Variants in EGF observed in about 807,000 individuals in gnomAD.
EGF encodes pro-epidermal growth factor.
In EGF, 95 loss-of-function variants were observed where a neutral mutation model predicts 143.8. That is an observed-to-expected ratio of 0.66 (90% CI 0.56 to 0.78). The LOEUF is 0.78. Among genes scored for constraint, EGF ranks in the 30% least tolerant of loss-of-function variants. EGF has a pLI of 0.00. For missense variants in EGF, 1,320 were observed against 1,470.9 expected (o/e 0.90, Z 1.68); for synonymous variants, 510 against 510.5 (o/e 1.00, Z 0.01).
At chr4:109,914,330 G>A (rs1398630314) in intron 1 of EGF, among the ~76,000 whole-genome samples, 8 of 152,142 alleles carry the variant, frequency 5.3e-5, no homozygotes, top group African/African-American at 1.2e-4. Flanking sequence ...TTGAGATGGC[G>A]TCTGGCTTTT....
chr4:109,959,513 C>T, intron 6 of EGF, 76 bp downstream of exon 6: 3 of 1,608,898 alleles, frequency 1.9e-6, no homozygotes, highest in Non-Finnish European at 2.5e-6. Context: ...GAGCCAGCGG[C>T]TTGTCTTCAG....
intron 20 of EGF, among the ~76,000 whole-genome samples, chr4:109,997,227 G>A (rs369689622): frequency 6.6e-6 from 1 of 152,118 alleles, no homozygotes; most frequent in East Asian, 1.9e-4. Flanking sequence ...AATTGATCCG[G>A]GTGGTGTCAG....
chr4:110,004,972 A>T (rs899349818), intron 22 of EGF, among the ~76,000 whole-genome samples: 1 of 151,510 alleles, frequency 6.6e-6, no homozygotes, highest in Non-Finnish European at 1.5e-5. Flanking sequence ...ATGTCTTAAA[A>T]ACCCAAGATT....
Position 109,913,365 on chromosome 4 carries a change from A to C in EGF, c.30A>C (p.Pro10=), listed in dbSNP as rs1205693221. The C allele has an allele frequency of 6.2e-7, 1 of 1,613,972 alleles. No homozygotes were observed. ...TGCTCACTCTTATCATTCTGTTGCC[A>C]GTAGTTTCAAAATTTAGTTTTGTTA... MLLTLIILL[P]VVSKFSFVSL... is the part of the protein sequence containing the mutation. Residue 10 remains proline, a synonymous_variant, in exon 1 of 24, where the codon CCA becomes CCC. Transcript: ENST00000265171.
In EGF at chr4:109,945,132, T is replaced by G; in HGVS notation, c.797T>G (p.Met266Arg). 6.2e-7 allele frequency: 1 copy of G among 1,614,128 alleles called. No homozygotes were observed. Among genetic ancestry groups the G allele is most frequent in the Non-Finnish European group, 8.5e-7 (1 of 1,180,024 alleles). The part of the protein sequence containing the change: ...GDRIFYSTWK[M>R]KTIWIANKHT... ...CGTATCTTCTATTCAACATGGAAAA[T>G]GAAGACAATTTGGATAGCCAACAAA... The change falls in exon 5 of 24, where the codon ATG (methionine) becomes AGG (arginine). Residue 266 changes from methionine to arginine, a missense_variant. Physicochemically the swap from Met to Arg is moderately conservative, Grantham distance 91. Coordinates refer to ENST00000265171, the MANE Select transcript of EGF (RefSeq NM_001963.6).
chr4:109,999,449 C>A (rs1752258296), intron 20 of EGF, among the ~76,000 whole-genome samples: 1 of 152,166 alleles, frequency 6.6e-6, no homozygotes, highest in Non-Finnish European at 1.5e-5. Context: ...AGGCAGTATG[C>A]AAATAATCCC....
intron 1 of EGF, among the ~76,000 whole-genome samples, chr4:109,932,483 A>ATTC (rs1277031607): frequency 6.7e-6 from 1 of 148,164 alleles, no homozygotes; most frequent in African/African-American, 2.5e-5. Context: ...GGTTCACACC[A>ATTC]TTCTCCTGCC....
chr4:109,979,045 G>A (rs576049249), intron 13 of EGF, among the ~76,000 whole-genome samples: 6 of 152,170 alleles, frequency 3.9e-5, no homozygotes, highest in Non-Finnish European at 7.3e-5. Context: ...GAGATAGAAC[G>A]TTAAAACATT....
chr4:109,978,131 T>G (rs1254635715), intron 13 of EGF, among the ~76,000 whole-genome samples: 1 of 152,172 alleles, frequency 6.6e-6, no homozygotes, highest in Non-Finnish European at 1.5e-5. Context: ...CAGCTGCCAG[T>G]TAAGAATTTC....
Position 109,952,247 on chromosome 4 carries a change from A to AT in EGF, c.940+6977dup, listed in dbSNP as rs1300795807. ...ATATTATGTTGTAAAAGGTCCAAAT[A>AT]TTTTTGCTTTTTTCTGTATTCTTTA... On this transcript the variant is annotated intron_variant, in intron 5 of 23. Transcript: ENST00000265171. Among the ~76,000 whole-genome samples, 4 of 152,220 alleles carry AT rather than the reference A, an allele frequency of 2.6e-5. No individual in the cohort carries two copies. In the East Asian group the frequency reaches 7.7e-4, roughly 29 times the overall value.
chr4:109,982,198 A>G (rs1043098565), intron 15 of EGF, among the ~76,000 whole-genome samples: 7 of 151,770 alleles, frequency 4.6e-5, no homozygotes, highest in Non-Finnish European at 1.0e-4. Context: ...TTGTAGAGAC[A>G]AGGTCATGCT....
chr4:109,932,472 G>A (rs1406141277), intron 1 of EGF, among the ~76,000 whole-genome samples: 5 of 148,058 alleles, frequency 3.4e-5, no homozygotes, highest in African/African-American at 9.9e-5. Context: ...TCCACCACCC[G>A]GGTTCACACC....
chr4:109,965,378 A>ATGG (rs1193268084), intron 10 of EGF, among the ~76,000 whole-genome samples: 2 of 152,154 alleles, frequency 1.3e-5, no homozygotes, highest in Non-Finnish European at 2.9e-5. Flanking sequence ...TTCTATATTT[A>ATGG]ATAGGTATGG....
chr4:109,996,069 T>G (rs575014346), intron 20 of EGF, among the ~76,000 whole-genome samples: 1 of 152,328 alleles, frequency 6.6e-6, no homozygotes, highest in Admixed American at 6.5e-5. Flanking sequence ...TGCCTGTTCA[T>G]TGTTTCTGAT....
chr4:109,953,097 A>G (rs1470787521), intron 5 of EGF, among the ~76,000 whole-genome samples: 1 of 152,206 alleles, frequency 6.6e-6, no homozygotes, highest in African/African-American at 2.4e-5. Flanking sequence ...TTAGGCTTAG[A>G]AATCTGATCA....
intron 14 of EGF, 170 bp from the exon 15 acceptor site, chr4:109,980,656 G>T: frequency 1.4e-6 from 1 of 732,178 alleles, no homozygotes; most frequent in Non-Finnish European, 2.3e-6. Flanking sequence ...AGAATCAGTG[G>T]CTCCTTGGGG....
At position 110,008,277 on chromosome 4, in the gene EGF, A is replaced by T. The variant is rs762551491; in HGVS notation, c.3370+47A>T. ...CTGGTGAATGGTTATTTTTACTTAG[A>T]TCCTGACTGTTTTTCAATGAAAAGT... On this transcript the variant is annotated intron_variant, in intron 23 of 23. Transcript: ENST00000265171. 3.1e-6 allele frequency: 5 copies of T among 1,604,858 alleles called. No homozygotes were observed. The South Asian group carries it at 4.4e-5, about 14-fold the overall frequency.
At chr4:109,974,181 T>G (rs556074195) in intron 11 of EGF, among the ~76,000 whole-genome samples, 11 of 152,316 alleles carry the variant, frequency 7.2e-5, no homozygotes, top group Admixed American at 5.2e-4. Flanking sequence ...TTGAGCATCC[T>G]TGGAGAGTTC....
At chr4:109,930,087 C>T (rs989705863) in intron 1 of EGF, among the ~76,000 whole-genome samples, 2 of 152,186 alleles carry the variant, frequency 1.3e-5, no homozygotes, top group Admixed American at 1.3e-4. Flanking sequence ...GGAGAAGGTG[C>T]TTGCTTCCAC....
Sources: allele counts gnomAD v4.1 joint callset (sites outside exome capture counted in the v4.1 genomes callset), GRCh38; gene constraint gnomAD v4.1.1; transcripts MANE v1.5; gene names NCBI Gene and HGNC (gene_info 2026-07-23, HGNC 2026-07-21).